Variants in DYNC1H1 observed in about 807,000 individuals in gnomAD.
DYNC1H1 encodes cytoplasmic dynein 1 heavy chain 1.
In DYNC1H1, 51 loss-of-function variants were observed where a neutral mutation model predicts 527.1. The observed-to-expected ratio is 0.10, with a 90% CI of 0.08 to 0.12. The LOEUF (loss-of-function observed/expected upper bound fraction) is 0.12, where lower values mean the gene tolerates loss of function less well. Ranked by LOEUF, DYNC1H1 falls within the 10% of genes least tolerant of loss-of-function variation. The probability of loss-of-function intolerance (pLI) is 1.00; values close to 1 mark genes in which losing one functional copy is unlikely to be tolerated. For missense variants in DYNC1H1, 2,771 were observed against 5,971.8 expected (o/e 0.46, Z 17.66); for synonymous variants, 2,189 against 2,278.8 (o/e 0.96, Z 1.12).
At position 102,041,604 on chromosome 14, in the gene DYNC1H1, T is replaced by G; in HGVS notation, c.11972T>G (p.Leu3991Arg). 6.2e-7 allele frequency: 1 copy of G among 1,614,140 alleles called. No homozygotes were observed. Among genetic ancestry groups the G allele is most frequent in the Non-Finnish European group, 8.5e-7 (1 of 1,180,024 alleles). Residue 3991 changes from leucine to arginine, a missense_variant, in exon 65 of 78, where the codon CTC becomes CGC. Coordinates refer to ENST00000360184, the MANE Select transcript of DYNC1H1 (RefSeq NM_001376.5). The surrounding 1 kb of genome is among the most constrained non-coding windows in gnomAD (Gnocchi z 4.5). ...ATTGGCCAGGCCATCCACCGCCTGC[T>G]CCTGATCCAGGCTTTCCGGCCCGAT... ...TPIGQAIHRL[L>R]LIQAFRPDRL... is the part of the protein sequence containing the mutation.
At chr14:102,050,252 G>A (rs2048789343) in intron 77 of DYNC1H1, 54 bp downstream of exon 77, 3 of 1,613,428 alleles carry the variant, frequency 1.9e-6, no homozygotes, top group Middle Eastern at 1.6e-4. Context: ...GCGGTAACAA[G>A]GGCAGAGGCG....
At position 102,038,365 on chromosome 14, in the gene DYNC1H1, G is replaced by A. The variant is rs1183925307; in HGVS notation, c.10909-95G>A. On this transcript the variant is annotated intron_variant, in intron 57 of 77. Coordinates refer to ENST00000360184, the MANE Select transcript of DYNC1H1 (RefSeq NM_001376.5). This position sits in a 1 kb window ranked among gnomAD's most constrained non-coding sequence, Gnocchi z 7.2. The stretch of plus-strand genomic sequence containing the variant: ...GCAAGTGGCGGGTGGCTTTTGGGAA[G>A]GTATGCTTATCCAGAGTAGGACAGC... The A allele has an allele frequency of 1.9e-6, 3 of 1,543,826 alleles. No homozygotes were observed. The highest frequency in any genetic ancestry group is 3.9e-5 in the Admixed American group (2 of 51,786).
chr14:102,007,622 GGTA>G (rs1243951766), intron 28 of DYNC1H1, among the ~76,000 whole-genome samples: 1 of 152,170 alleles, frequency 6.6e-6, no homozygotes, highest in Non-Finnish European at 1.5e-5. Context: ...CGTGGGAGTA[GGTA>G]GTAGTATTCC....
intron 72 of DYNC1H1, among the ~76,000 whole-genome samples, chr14:102,047,468 CA>C (rs2048734277): frequency 6.6e-6 from 1 of 151,696 alleles, no homozygotes; most frequent in Non-Finnish European, 1.5e-5. Flanking sequence ...ACCCAGGAGG[CA>C]GAGGTTGCAG....
chr14:102,051,288 G>A lies in DYNC1H1; in HGVS notation c.*725G>A. The A allele has an allele frequency of 6.5e-6, 1 of 154,584 alleles. No homozygotes were observed. The highest frequency in any genetic ancestry group is 1.4e-5 in the Non-Finnish European group (1 of 70,140). 9.6% of individuals were successfully genotyped at this position (154,584 alleles called of 1,614,324 possible). On this transcript the variant is annotated 3_prime_UTR_variant, in exon 78 of 78. Coordinates refer to ENST00000360184, the MANE Select transcript of DYNC1H1 (RefSeq NM_001376.5). ...AAAAAAGCTGGGCGTGGTGGCTCAT[G>A]CCTGTAATCCCAGCACTTTGGGAGG...
intron 1 of DYNC1H1, among the ~76,000 whole-genome samples, chr14:101,973,571 G>T (rs998048644): frequency 6.6e-6 from 1 of 152,154 alleles, no homozygotes; most frequent in Non-Finnish European, 1.5e-5. Context: ...CCAGGCCGAG[G>T]CATGAGGATC....
At chr14:101,982,779 C>CT (rs1468040604) in intron 5 of DYNC1H1, among the ~76,000 whole-genome samples, 4 of 148,008 alleles carry the variant, frequency 2.7e-5, no homozygotes, top group African/African-American at 9.9e-5. Context: ...GGTAAATTCT[C>CT]TGAGGCTGCC....
At position 102,012,519 on chromosome 14, in the gene DYNC1H1, C is replaced by T. The variant is rs560174549; in HGVS notation, c.7014+49C>T. 1 of 1,613,308 alleles carries T rather than the reference C, an allele frequency of 6.2e-7. No individual in the cohort carries two copies. Among genetic ancestry groups the T allele is most frequent in the East Asian group, 2.2e-5 (1 of 44,868 alleles). ...CAACTGAATAATTCCTTTTGGCCAA[C>T]TAAACTTCGTGTGCTAGCTAAGTGC... On this transcript the variant is annotated intron_variant, in intron 34 of 77. Transcript: ENST00000360184. The surrounding 1 kb of genome is among the most constrained non-coding windows in gnomAD (Gnocchi z 4.9).
chr14:101,987,227 G>C (rs2047947277), intron 8 of DYNC1H1, among the ~76,000 whole-genome samples: 1 of 152,352 alleles, frequency 6.6e-6, no homozygotes, highest in East Asian at 1.9e-4. Context: ...CCATTGAGTG[G>C]GAGTAAGGGA....
intron 2 of DYNC1H1, among the ~76,000 whole-genome samples, chr14:101,977,218 T>C (rs2047810920): frequency 6.6e-6 from 1 of 152,244 alleles, no homozygotes; most frequent in South Asian, 2.1e-4. Context: ...TACCAGATTT[T>C]CCACTTTTCA....
rs757673952 is a variant in DYNC1H1, at chr14:102,034,203, G to A, written c.10626+15G>A. The A allele has an allele frequency of 2.5e-6, 4 of 1,614,076 alleles. No homozygotes were observed. The African/African-American group carries it at 4.0e-5, about 16-fold the overall frequency. ...CCAACATCCAGGTGAGAATCACGGG[G>A]AGTTCAAAAAGGATGTGCGAGCAGT... On this transcript the variant is annotated intron_variant, in intron 55 of 77. Coordinates refer to ENST00000360184, the MANE Select transcript of DYNC1H1 (RefSeq NM_001376.5).
intron 29 of DYNC1H1, among the ~76,000 whole-genome samples, chr14:102,008,797 A>G (rs1235921412): frequency 6.6e-6 from 1 of 152,174 alleles, no homozygotes; most frequent in Non-Finnish European, 1.5e-5. Flanking sequence ...CCAAAAAAAG[A>G]AACCCAGGAC....
chr14:102,043,809 A>G (rs918290013), intron 69 of DYNC1H1, 66 bp from the exon 70 acceptor site: 32 of 1,610,798 alleles, frequency 2.0e-5, no homozygotes, highest in Admixed American at 3.3e-5. Flanking sequence ...CTGACCTGGC[A>G]TCTGCACTGT....
intron 52 of DYNC1H1, chr14:102,032,817 C>T (rs2048525310): frequency 1.2e-5 from 7 of 576,620 alleles, no homozygotes; most frequent in South Asian, 8.2e-5. Context: ...CACACCACCG[C>T]ACTCCAGCCT....
chr14:102,007,373 C>T (rs1274059173), intron 28 of DYNC1H1, among the ~76,000 whole-genome samples: 1 of 152,076 alleles, frequency 6.6e-6, no homozygotes, highest in Non-Finnish European at 1.5e-5. Flanking sequence ...TTTTTGACGA[C>T]ATTTTTAGTG....
chr14:101,998,319 G>T (rs1174942626), intron 16 of DYNC1H1, among the ~76,000 whole-genome samples: 3 of 111,364 alleles, frequency 2.7e-5, no homozygotes, highest in African/African-American at 3.6e-5. Context: ...CCCTCTATAA[G>T]AGCTGATCCG....
Position 101,994,222 on chromosome 14 carries a change from C to T in DYNC1H1, c.3054C>T (p.Phe1018=). The T allele has an allele frequency of 1.2e-6, 2 of 1,614,222 alleles. No individual in the cohort carries two copies. The highest frequency in any genetic ancestry group is 1.7e-6 in the Non-Finnish European group (2 of 1,180,036). Residue 1018 remains phenylalanine (F), a synonymous_variant, in exon 12 of 78, where the codon TTC becomes TTT. Coordinates refer to ENST00000360184, the MANE Select transcript of DYNC1H1 (RefSeq NM_001376.5). The part of the protein sequence containing the change: ...VHYELTEEEK[F]YRNALTRMPD... Reference sequence around the variant, plus strand: ...ACGAATTGACTGAGGAAGAGAAATTCTATCGGAATGCTTTAACACGGATGC... The same window carrying T: ...ACGAATTGACTGAGGAAGAGAAATTTTATCGGAATGCTTTAACACGGATGC...
rs2047658834 is a variant in DYNC1H1, at chr14:101,965,654, GT to G, written c.256+708del. ...CTGAGGAAACTGAGGCTCAGGTTAA[GT>G]GATTTCACCCAAGGTCACCAGCTAA... On this transcript the variant is annotated intron_variant, in intron 1 of 77. Transcript: ENST00000360184. This position sits in a 1 kb window ranked among gnomAD's most constrained non-coding sequence, Gnocchi z 4.1. 5.9e-5 allele frequency among the ~76,000 whole-genome samples: 9 copies of G among 152,116 alleles called. No individual in the cohort carries two copies. Among genetic ancestry groups the G allele is most frequent in the Admixed American group, 3.3e-4 (5 of 15,268 alleles).
rs527379459 is a variant in DYNC1H1, at chr14:102,007,696, A to G, written c.5818-482A>G. ...ATGTGACTTGCCCAAGGCCAAGCAG[A>G]TTGTCAGAGTCAGGGTTTGAGCCCC... On this transcript the variant is annotated intron_variant, in intron 28 of 77. Transcript: ENST00000360184. Among the ~76,000 whole-genome samples the G allele has an allele frequency of 9.2e-5, 14 of 152,280 alleles. No individual in the cohort carries two copies. In the East Asian group the frequency reaches 2.5e-3, roughly 27 times the overall value.
Sources: gnomAD v4.1 joint callset for allele counts (sites outside exome capture counted in the v4.1 genomes callset) on GRCh38, gnomAD v4.1.1 for gene constraint, Gnocchi (gnomAD v3.1) non-coding constraint, MANE v1.5 for transcripts, NCBI Gene and HGNC (gene_info 2026-07-23, HGNC 2026-07-21) for gene names.